GALNT13: variants seen among roughly 807,000 people sequenced by gnomAD.
The protein encoded by GALNT13 is UDP-GalNAc:polypeptide N-acetylgalactosaminyltransferase 13.
Under a neutral mutation model 64.2 loss-of-function variants are expected in GALNT13, and 28 were observed. The observed-to-expected ratio is 0.44, with a 90% CI of 0.32 to 0.60. The LOEUF (loss-of-function observed/expected upper bound fraction) is 0.60, where lower values mean the gene tolerates loss of function less well. Among genes scored for constraint, GALNT13 ranks in the 20% least tolerant of loss-of-function variants. The probability of loss-of-function intolerance (pLI) is 0.05; values close to 1 mark genes in which losing one functional copy is unlikely to be tolerated. For synonymous variants in GALNT13, 214 were observed against 224.6 expected (o/e 0.95, Z 0.42); for missense variants, 577 against 669.8 (o/e 0.86, Z 1.53).
chr2:153,332,716 G>A, the GALNT13 span, among the ~76,000 whole-genome samples: 1 of 152,122 alleles, frequency 6.6e-6, no homozygotes, highest in Non-Finnish European at 1.5e-5. Flanking sequence ...TGGGCATGGA[G>A]TGGAGAGGGC....
chr2:154,051,585 C>T (rs936977585), intron 3 of GALNT13, among the ~76,000 whole-genome samples: 2 of 152,182 alleles, frequency 1.3e-5, no homozygotes, highest in Admixed American at 6.5e-5. Context: ...CCACCGCGCC[C>T]GGCCATCTTA....
At chr2:153,093,687 C>T in the GALNT13 span, among the ~76,000 whole-genome samples, 1 of 152,014 alleles carries the variant, frequency 6.6e-6, no homozygotes, top group African/African-American at 2.4e-5. Context: ...TAATATTGGC[C>T]TCACAGAATG....
intron 9 of GALNT13, among the ~76,000 whole-genome samples, chr2:154,394,947 G>A (rs538226742): frequency 6.6e-6 from 1 of 152,182 alleles, no homozygotes; most frequent in Non-Finnish European, 1.5e-5. Flanking sequence ...AGTTTTGAGT[G>A]TTGCTGCTTT....
intron 2 of GALNT13, among the ~76,000 whole-genome samples, chr2:153,935,222 A>G (rs1405684445): frequency 6.6e-6 from 1 of 152,200 alleles, no homozygotes; most frequent in African/African-American, 2.4e-5. Flanking sequence ...AGAACAGTGT[A>G]TTATCCAGCA....
At chr2:153,404,364 A>G in the GALNT13 span, among the ~76,000 whole-genome samples, 1 of 152,210 alleles carries the variant, frequency 6.6e-6, no homozygotes, top group Admixed American at 6.5e-5. Flanking sequence ...TAACAAAATG[A>G]GCCATCAATC....
chr2:153,777,355 T>C, the GALNT13 span, among the ~76,000 whole-genome samples: 1 of 152,168 alleles, frequency 6.6e-6, no homozygotes, highest in South Asian at 2.1e-4. Flanking sequence ...TACAGAAGAC[T>C]TAGATTCAGT....
intron 9 of GALNT13, among the ~76,000 whole-genome samples, chr2:154,342,180 A>T (rs927218251): frequency 6.6e-6 from 1 of 152,096 alleles, no homozygotes. Flanking sequence ...TTTGGGATCC[A>T]TCAATGTTTA....
At chr2:153,235,531 G>A in the GALNT13 span, among the ~76,000 whole-genome samples, 1 of 152,048 alleles carries the variant, frequency 6.6e-6, no homozygotes, top group Non-Finnish European at 1.5e-5. Context: ...TACATGTATC[G>A]CATGCCTCAC....
chr2:153,198,795 C>T, the GALNT13 span, among the ~76,000 whole-genome samples: 1 of 152,178 alleles, frequency 6.6e-6, no homozygotes, highest in African/African-American at 2.4e-5. Flanking sequence ...TCACCTTCCT[C>T]AGAAAGTTTG....
chr2:154,132,085 A>C (rs1005936746), intron 3 of GALNT13, among the ~76,000 whole-genome samples: 3 of 152,144 alleles, frequency 2.0e-5, no homozygotes, highest in Admixed American at 2.0e-4. Flanking sequence ...ACCCAGATTG[A>C]GGGTGGGTCT....
chr2:154,044,915 G>A (rs1699201659), intron 3 of GALNT13, among the ~76,000 whole-genome samples: 1 of 152,154 alleles, frequency 6.6e-6, no homozygotes, highest in African/African-American at 2.4e-5. Context: ...CAGCCTTGGT[G>A]TTACCCATTT....
At chr2:153,378,880 A>G in the GALNT13 span, among the ~76,000 whole-genome samples, 1 of 152,092 alleles carries the variant, frequency 6.6e-6, no homozygotes, top group Non-Finnish European at 1.5e-5. Context: ...AAATGTCCAG[A>G]GTGTTGGCAG....
chr2:153,271,228 C>T, the GALNT13 span, among the ~76,000 whole-genome samples: 5 of 152,288 alleles, frequency 3.3e-5, no homozygotes, highest in Admixed American at 3.3e-4. Context: ...GATGCCCTCT[C>T]TCAACACTCC....
intron 3 of GALNT13, among the ~76,000 whole-genome samples, chr2:154,076,417 C>T (rs920623927): frequency 5.9e-5 from 9 of 151,656 alleles, no homozygotes; most frequent in Admixed American, 1.3e-4. Context: ...AGAACAAAGA[C>T]ATAATCCACA....
At chr2:153,308,419 AAAT>A in the GALNT13 span, among the ~76,000 whole-genome samples, 1 of 152,190 alleles carries the variant, frequency 6.6e-6, no homozygotes, top group Non-Finnish European at 1.5e-5. Context: ...CTTATTTAAC[AAAT>A]GACACAAGTC....
At chr2:154,116,583 A>G (rs1681577802) in intron 3 of GALNT13, among the ~76,000 whole-genome samples, 1 of 152,156 alleles carries the variant, frequency 6.6e-6, no homozygotes, top group African/African-American at 2.4e-5. Context: ...GGTTCTCTAC[A>G]TACAGTCAAA....
At chr2:154,177,564 T>C (rs934407013) in intron 4 of GALNT13, among the ~76,000 whole-genome samples, 7 of 152,008 alleles carry the variant, frequency 4.6e-5, no homozygotes, top group African/African-American at 1.7e-4. Context: ...TTGTAAACTA[T>C]GGACTTTATA....
the GALNT13 span, among the ~76,000 whole-genome samples, chr2:153,281,423 G>A: frequency 6.7e-3 from 1,025 of 152,098 alleles, 4 homozygotes; most frequent in Non-Finnish European, 0.012. Flanking sequence ...CTGATTATCA[G>A]GAAGCTGTTA....
At chr2:153,416,769 G>A in the GALNT13 span, among the ~76,000 whole-genome samples, 2 of 152,158 alleles carry the variant, frequency 1.3e-5, no homozygotes, top group Non-Finnish European at 2.9e-5. Flanking sequence ...TGATACAACA[G>A]TGATCCAAAA....
Sources: allele counts gnomAD v4.1 joint callset (sites outside exome capture counted in the v4.1 genomes callset), GRCh38; gene constraint gnomAD v4.1.1; transcripts MANE v1.5; gene names NCBI Gene and HGNC (gene_info 2026-07-23, HGNC 2026-07-21).